TEP1: variants seen among roughly 807,000 people sequenced by gnomAD.
The protein encoded by TEP1 is telomerase protein component 1.
TEP1 carries 241 observed loss-of-function variants against 306.3 expected under a neutral mutation model. That is an observed-to-expected ratio of 0.79 (90% CI 0.71 to 0.88). The LOEUF is 0.88. Ranked by LOEUF, TEP1 falls within the 40% of genes least tolerant of loss-of-function variation. The probability of loss-of-function intolerance (pLI) is 0.00; values close to 1 mark genes in which losing one functional copy is unlikely to be tolerated. For synonymous variants in TEP1, 1,289 were observed against 1,305.5 expected, an observed-to-expected ratio of 0.99 and a Z score of 0.27; for missense variants, 3,051 against 3,276.1, an observed-to-expected ratio of 0.93 and a Z score of 1.68.
chr14:20,382,808 C>T, intron 27 of TEP1, 93 bp from the exon 28 acceptor site: 1 of 1,164,530 alleles, frequency 8.6e-7, no homozygotes, highest in Non-Finnish European at 1.3e-6. Flanking sequence ...GGCAGCTCCT[C>T]CTCTGAGAGT....
At chr14:20,384,871 GTCCTGTTTC>G (rs1876986426) in intron 21 of TEP1, 105 bp downstream of exon 21, 13 of 1,543,788 alleles carry the variant, frequency 8.4e-6, no homozygotes, top group Non-Finnish European at 1.1e-5. Flanking sequence ...GGCATGCTGA[GTCCTGTTTC>G]TGCCTCATAG....
intron 7 of TEP1, among the ~76,000 whole-genome samples, chr14:20,402,611 C>T (rs549187757): frequency 7.9e-5 from 12 of 152,148 alleles, no homozygotes; most frequent in African/African-American, 2.6e-4. Flanking sequence ...CCATTTAATA[C>T]GTGAGAAAAC....
chr14:20,395,414 T>G, intron 12 of TEP1, 36 bp downstream of exon 12: 1 of 1,530,686 alleles, frequency 6.5e-7, no homozygotes. Context: ...GTAGCCCCGA[T>G]TGCCCACCCT....
rs568003857 is a variant in TEP1 at position 20,386,159 on chromosome 14, T to C, written c.2898A>G (p.Ala966=). Residue 966 remains alanine, a synonymous_variant, in exon 20 of 55, where the codon GCA becomes GCG. Coordinates refer to ENST00000262715, the MANE Select transcript of TEP1 (RefSeq NM_007110.5). ...AGCCCAGAATCCCCACAAACAGCTG[T>C]GCGTTCTCCACCTCCCCAAGGCACA... ...LEVCLGEVEN[A]QLFVGILGSR... 2 of 1,613,724 alleles carry C rather than the reference T, an allele frequency of 1.2e-6. No homozygotes were observed. The highest frequency in any genetic ancestry group is 2.7e-5 in the African/African-American group (2 of 75,004).
chr14:20,375,628 A>G (rs1885128724), intron 43 of TEP1, 127 bp downstream of exon 43: 2 of 624,908 alleles, frequency 3.2e-6, no homozygotes, highest in East Asian at 2.8e-5. Context: ...TGCCTGGCAC[A>G]TATCAAGTTT....
chr14:20,377,922 T>G, intron 39 of TEP1, 102 bp downstream of exon 39: 2 of 1,496,960 alleles, frequency 1.3e-6, no homozygotes, highest in Non-Finnish European at 1.8e-6. Context: ...CAATCCAAGC[T>G]CCTCCACAGT....
chr14:20,385,067 C>T lies in TEP1; in HGVS notation c.3025G>A (p.Val1009Met), dbSNP rs1369198661. The change falls in exon 21 of 55, where the codon GTG becomes ATG. Residue 1009 changes from valine (V) to methionine (M), a missense_variant. Transcript: ENST00000262715. ...PSGRSVTEME[V>M]MQFLNRNQRL... ...TGGTTCCGGTTCAGGAACTGCATCACCTCCATCTCTGTCACAGAGCGCCCT... is the reference window on the plus strand; with the variant it reads ...TGGTTCCGGTTCAGGAACTGCATCATCTCCATCTCTGTCACAGAGCGCCCT... The T allele has an allele frequency of 1.2e-6, 2 of 1,614,138 alleles. No homozygotes were observed. Among genetic ancestry groups the T allele is most frequent in the Non-Finnish European group, 1.7e-6 (2 of 1,180,018 alleles).
chr14:20,408,637 G>T (rs1328356812), intron 1 of TEP1, among the ~76,000 whole-genome samples, 174 bp from the exon 2 acceptor site: 2 of 152,020 alleles, frequency 1.3e-5, no homozygotes, highest in Non-Finnish European at 2.9e-5. Flanking sequence ...AAGAGAGAGG[G>T]ATAGGGAAAA....
chr14:20,385,511 T>G (rs1877061596), intron 20 of TEP1, among the ~76,000 whole-genome samples: 2 of 152,182 alleles, frequency 1.3e-5, no homozygotes, highest in African/African-American at 4.8e-5. Flanking sequence ...TAGCTGGGAT[T>G]ACAGGTGTCT....
In TEP1 at chr14:20,408,369, A is replaced by G. The variant is rs1399526214; in HGVS notation, c.71T>C (p.Met24Thr). The G allele has an allele frequency of 6.3e-7, 1 of 1,593,532 alleles. No homozygotes were observed. Among genetic ancestry groups the G allele is most frequent in the Non-Finnish European group, 8.5e-7 (1 of 1,173,026 alleles). The part of the protein sequence containing the change: ...ILSLENRCLA[M>T]LPDLQPLEKL... ...CTCCAAGGGCTGTAAGTCAGGGAGC[A>G]TAGCCAGGCACCGGTTCTCCAAGGA... Residue 24 changes from methionine to threonine, a missense_variant, in exon 2 of 55, where the codon ATG (methionine) becomes ACG (threonine). Physicochemically the swap from Met to Thr is moderately conservative, Grantham distance 81 (BLOSUM62 -1). Around this residue, in one of 3 missense-constraint regions of TEP1, gnomAD observed 1,507 missense variants for 1,550.5 expected, o/e 0.97. Coordinates refer to ENST00000262715, the MANE Select transcript of TEP1 (RefSeq NM_007110.5).
At position 20,399,632 on chromosome 14, in the gene TEP1, T is replaced by TAAA. The variant is rs71416944; in HGVS notation, c.1549+1349_1549+1351dup. Among the ~76,000 whole-genome samples, 203 of 78,604 alleles carry TAAA rather than the reference T, an allele frequency of 2.6e-3. 4 individuals are homozygous for TAAA. The highest frequency in any genetic ancestry group is 0.011 in the African/African-American group (182 of 16,972). 51.6% of individuals were successfully genotyped at this position (78,604 alleles called of 152,430 possible). On this transcript the variant is annotated intron_variant, in intron 9 of 54. Transcript: ENST00000262715. ...GGCAACAAAGTGAGGCCCTGTTTCTTAAAAAAAAAAAAAAAAAAAAAAAAA... is the reference window on the plus strand; with the variant it reads ...GGCAACAAAGTGAGGCCCTGTTTCTTAAAAAAAAAAAAAAAAAAAAAAAAAAAA...
In TEP1 at chr14:20,391,674, C is replaced by T. The variant is rs1468017690; in HGVS notation, c.2022G>A (p.Leu674=). Reference sequence around the variant, plus strand: ...GATAGACCAAGACAGTGCGGCCTGGCAGCAGGGGCAGGCTGTGCTTCACAG... The same window carrying T: ...GATAGACCAAGACAGTGCGGCCTGGTAGCAGGGGCAGGCTGTGCTTCACAG... ...NLSVKHSLPL[L]PGRTVLVYLT... is the part of the protein sequence containing the mutation. The change falls in exon 13 of 55, where the codon CTG becomes CTA. Residue 674 remains leucine, a synonymous_variant. Coordinates refer to ENST00000262715, the MANE Select transcript of TEP1 (RefSeq NM_007110.5). 1.9e-6 allele frequency: 3 copies of T among 1,614,058 alleles called. No homozygotes were observed. Among genetic ancestry groups the T allele is most frequent in the Non-Finnish European group, 2.5e-6 (3 of 1,180,036 alleles).
At chr14:20,382,867 C>A (rs1304055467) in intron 27 of TEP1, 152 bp from the exon 28 acceptor site, 2 of 769,604 alleles carry the variant, frequency 2.6e-6, no homozygotes, top group East Asian at 5.3e-5. Context: ...ACAAACCATC[C>A]CTCTCCTACG....
chr14:20,390,039 G>GTA (rs1877559519), intron 15 of TEP1, among the ~76,000 whole-genome samples: 1 of 152,062 alleles, frequency 6.6e-6, no homozygotes. Context: ...ACATTAAATT[G>GTA]TATACATTTA....
At chr14:20,391,902 C>T in intron 12 of TEP1, 135 bp from the exon 13 acceptor site, 1 of 889,554 alleles carries the variant, frequency 1.1e-6, no homozygotes, top group South Asian at 1.7e-5. Context: ...TTCCACAGCC[C>T]ACTCCATTTC....
chr14:20,373,431 T>C (rs1455451032), intron 46 of TEP1, 29 bp from the exon 47 acceptor site: 2 of 1,614,034 alleles, frequency 1.2e-6, no homozygotes, highest in Non-Finnish European at 8.5e-7. Context: ...GATGGGCTCA[T>C]GAGAGTGGGC....
chr14:20,373,510 G>C lies in TEP1; in HGVS notation c.6678C>G (p.Leu2226=), dbSNP rs115334953. ...TCTGGTCCTTGCAGGAACTCACCAA[G>C]AGTGGATGCCATAACCGTGTGGCCC... ...LDGATRLWHP[L]LVCQTHTLLG... is the part of the protein sequence containing the mutation. Residue 2226 remains leucine (L), a synonymous_variant, in exon 46 of 55, where the codon CTC becomes CTG. Coordinates refer to ENST00000262715, the MANE Select transcript of TEP1 (RefSeq NM_007110.5). 1,792 of 1,614,218 alleles carry C rather than the reference G, an allele frequency of 1.1e-3. 13 individuals carry two copies. In the African/African-American group the frequency reaches 0.018, roughly 16 times the overall value.
Position 20,389,688 on chromosome 14 carries a change from A to ACATTTAT in TEP1, c.2380_2386dup (p.Val796AspfsTer37). 1 of 1,614,234 alleles carries ACATTTAT rather than the reference A, an allele frequency of 6.2e-7. No individual in the cohort carries two copies. The highest frequency in any genetic ancestry group is 8.5e-7 in the Non-Finnish European group (1 of 1,180,038). On this transcript the variant is annotated frameshift_variant, in exon 16 of 55. Transcript: ENST00000262715. LOFTEE classifies it high-confidence loss of function. Reference sequence around the variant, plus strand: ...ACGCTGCCAGTAAAGCTGTTTGGCCACATTTATCATTCCATCATCCATGCT... The same window carrying ACATTTAT: ...ACGCTGCCAGTAAAGCTGTTTGGCCACATTTATCATTTATCATTCCATCATCCATGCT...
intron 16 of TEP1, 143 bp from the exon 17 acceptor site, chr14:20,389,440 C>A: frequency 7.1e-7 from 1 of 1,409,784 alleles, no homozygotes; most frequent in Non-Finnish European, 9.9e-7. Context: ...TGGACTCTCA[C>A]AGAGGGGTAC....
Sources: allele counts gnomAD v4.1 joint callset (sites outside exome capture counted in the v4.1 genomes callset), GRCh38; gene constraint gnomAD v4.1.1; regional missense constraint gnomAD v4.1.1; transcripts MANE v1.5; gene names NCBI Gene and HGNC (gene_info 2026-07-23, HGNC 2026-07-21).